The following BMPR1A variants were observed in gnomAD, a reference collection of about 807,000 sequenced individuals.
BMPR1A encodes bone morphogenetic protein receptor type 1A, also known as bone morphogenetic protein receptor type-1A.
BMPR1A carries 7 observed loss-of-function variants against 66.0 expected under a neutral mutation model. The observed-to-expected ratio is 0.11, with a 90% CI of 0.06 to 0.20. The LOEUF (loss-of-function observed/expected upper bound fraction) is 0.20, where lower values mean the gene tolerates loss of function less well. BMPR1A is among the 10% of genes least tolerant of loss of function. BMPR1A has a pLI of 1.00. For synonymous variants in BMPR1A, 200 were observed against 229.7 expected (o/e 0.87, Z 1.17); for missense variants, 408 against 669.1 (o/e 0.61, Z 4.31).
chr10:86,888,598 G>T (rs768439183), intron 3 of BMPR1A, among the ~76,000 whole-genome samples: 3 of 152,034 alleles, frequency 2.0e-5, no homozygotes, highest in African/African-American at 7.2e-5. Context: ...AGGCTGAGGC[G>T]GGAGGATCGC....
chr10:86,870,266 A>G (rs1460378157), intron 2 of BMPR1A, among the ~76,000 whole-genome samples: 1 of 152,146 alleles, frequency 6.6e-6, no homozygotes, highest in African/African-American at 2.4e-5. Context: ...CCTTTGGGTA[A>G]TCTCAGATCT....
intron 1 of BMPR1A, among the ~76,000 whole-genome samples, chr10:86,803,572 C>G (rs888159165): frequency 2.6e-4 from 40 of 152,048 alleles, no homozygotes; most frequent in Admixed American, 2.0e-4. Flanking sequence ...AATTTTTTCC[C>G]AAATCGTTGG....
In BMPR1A at chr10:86,759,199, G is replaced by A. The variant is rs4934261; in HGVS notation, c.-268+2280G>A. ...AGTTAACTATTAACTAGATGAAGAG[G>A]GGCCTTTTGTGACATTATACTGACT... On this transcript the variant is annotated intron_variant, in intron 1 of 12. Transcript: ENST00000372037. 0.28 allele frequency among the ~76,000 whole-genome samples: 42,443 copies of A among 151,860 alleles called. 7,421 individuals carry two copies. Among genetic ancestry groups the A allele is most frequent in the East Asian group, 0.7 (3,585 of 5,148 alleles).
At chr10:86,756,379 C>G (rs1321392885), upstream of BMPR1A, 1 of 152,032 alleles carries the variant, frequency 6.6e-6, no homozygotes, top group Non-Finnish European at 1.5e-5. Flanking sequence ...GCTCGGCGCC[C>G]CCTTGCCGGC....
chr10:86,764,296 T>A (rs1841128255), intron 1 of BMPR1A, among the ~76,000 whole-genome samples: 1 of 152,202 alleles, frequency 6.6e-6, no homozygotes, highest in South Asian at 2.1e-4. Flanking sequence ...TTGGTGAGGC[T>A]CTTAATGTCT....
intron 1 of BMPR1A, among the ~76,000 whole-genome samples, chr10:86,806,013 A>C (rs949376662): frequency 1.3e-5 from 2 of 151,452 alleles, no homozygotes; most frequent in Admixed American, 6.6e-5. Flanking sequence ...GCAGTTCCTT[A>C]GCCACCTGTT....
chr10:86,881,991 CTG>C (rs994137195), intron 3 of BMPR1A, among the ~76,000 whole-genome samples: 19 of 151,064 alleles, frequency 1.3e-4, no homozygotes, highest in Non-Finnish European at 1.3e-4. Context: ...GGTGTGATAA[CTG>C]TGTTTTTTTT....
Position 86,923,495 on chromosome 10 carries a change from A to G in BMPR1A, c.1462A>G (p.Asn488Asp), listed in dbSNP as rs1554891616. Reference sequence around the variant, plus strand: ...GCGGCCAATTGTGTCTAATCGGTGGAACAGTGATGAAGTGAGTGGAACTCA... The same window carrying G: ...GCGGCCAATTGTGTCTAATCGGTGGGACAGTGATGAAGTGAGTGGAACTCA... Reference protein sequence around the residue: ...RLRPIVSNRWNSDECLRAVLK... With the variant: ...RLRPIVSNRWDSDECLRAVLK... The change falls in exon 12 of 13, where the codon AAC (asparagine) becomes GAC (aspartate). Residue 488 changes from asparagine to aspartate, a missense_variant. Physicochemically the swap from Asn to Asp is conservative, Grantham distance 23. Around this residue, in one of 5 missense-constraint regions of BMPR1A, gnomAD observed 130 missense variants for 257.3 expected, o/e 0.51. Transcript: ENST00000372037. The G allele has an allele frequency of 6.2e-7, 1 of 1,614,100 alleles. No homozygotes were observed.
chr10:86,922,764 T>C (rs1055556885), intron 11 of BMPR1A, among the ~76,000 whole-genome samples: 5 of 152,276 alleles, frequency 3.3e-5, no homozygotes, highest in African/African-American at 1.2e-4. Flanking sequence ...ATCCTCTGCC[T>C]GGCATGTACC....
intron 11 of BMPR1A, among the ~76,000 whole-genome samples, chr10:86,922,017 T>C (rs1843671737): frequency 6.6e-6 from 1 of 151,916 alleles, no homozygotes; most frequent in South Asian, 2.1e-4. Context: ...TATTCATTCT[T>C]CTATTTTGTC....
At chr10:86,789,584 G>C (rs947606710) in intron 1 of BMPR1A, among the ~76,000 whole-genome samples, 2 of 151,928 alleles carry the variant, frequency 1.3e-5, no homozygotes, top group African/African-American at 4.8e-5. Flanking sequence ...GTGATGGTGG[G>C]CACCTATAAT....
At chr10:86,877,366 C>G (rs1842932803) in intron 3 of BMPR1A, among the ~76,000 whole-genome samples, 1 of 151,994 alleles carries the variant, frequency 6.6e-6, no homozygotes, top group Non-Finnish European at 1.5e-5. Context: ...CACCATCACG[C>G]CCAGCTAATT....
chr10:86,762,937 C>T (rs1007939865), intron 1 of BMPR1A, among the ~76,000 whole-genome samples: 1 of 152,102 alleles, frequency 6.6e-6, no homozygotes, highest in Admixed American at 6.5e-5. Flanking sequence ...CACTCTGTCG[C>T]CCAGGCTGGA....
chr10:86,832,249 C>T (rs187915902), intron 1 of BMPR1A, among the ~76,000 whole-genome samples: 77 of 152,184 alleles, frequency 5.1e-4, no homozygotes, highest in East Asian at 1.5e-3. Flanking sequence ...GGTTGGATCA[C>T]GAGGTCAGGA....
chr10:86,929,024 C>G (rs184745242), downstream of BMPR1A: 1 of 150,168 alleles, frequency 6.7e-6, no homozygotes, highest in Admixed American at 6.7e-5. Flanking sequence ...CCATTGAGAA[C>G]TTTTTTTTTA....
chr10:86,850,509 G>T (rs905103034), intron 2 of BMPR1A, among the ~76,000 whole-genome samples: 3 of 152,124 alleles, frequency 2.0e-5, no homozygotes, highest in Non-Finnish European at 4.4e-5. Flanking sequence ...TGCATTTCTA[G>T]CCAGCTTGCA....
chr10:86,869,757 CAA>C (rs1318444122), intron 2 of BMPR1A, among the ~76,000 whole-genome samples: 5 of 130,750 alleles, frequency 3.8e-5, no homozygotes, highest in African/African-American at 2.9e-5. Flanking sequence ...AACTCTGTCT[CAA>C]AAAAAAAAAA....
chr10:86,761,433 C>T (rs1198207457), intron 1 of BMPR1A, among the ~76,000 whole-genome samples: 1 of 152,118 alleles, frequency 6.6e-6, no homozygotes, highest in Non-Finnish European at 1.5e-5. Flanking sequence ...CAGGAGTATG[C>T]TAGAGATAGG....
At chr10:86,901,272 C>T (rs1261166630) in intron 7 of BMPR1A, among the ~76,000 whole-genome samples, 2 of 152,208 alleles carry the variant, frequency 1.3e-5, no homozygotes, top group African/African-American at 4.8e-5. Context: ...TCAAGTCACT[C>T]CTGAATGCAT....
Sources: allele counts gnomAD v4.1 joint callset (sites outside exome capture counted in the v4.1 genomes callset), GRCh38; gene constraint gnomAD v4.1.1; regional missense constraint gnomAD v4.1.1; transcripts MANE v1.5; gene names NCBI Gene and HGNC (gene_info 2026-07-23, HGNC 2026-07-21).